The following SLC35F3 variants were observed in gnomAD, a reference collection of about 807,000 sequenced individuals.
The protein encoded by SLC35F3 is solute carrier family 35 member F3, also known as putative thiamine transporter SLC35F3.
Under a neutral mutation model 49.9 loss-of-function variants are expected in SLC35F3, and 25 were observed. The ratio of observed to expected loss-of-function variants is 0.50; its 90% CI spans 0.37 to 0.70. SLC35F3 has a LOEUF of 0.70. SLC35F3 is among the 30% of genes least tolerant of loss of function. The probability of loss-of-function intolerance (pLI) is 0.00; values close to 1 mark genes in which losing one functional copy is unlikely to be tolerated. For missense variants in SLC35F3, 525 were observed against 639.8 expected, an observed-to-expected ratio of 0.82 and a Z score of 1.94; for synonymous variants, 275 against 265.4, an observed-to-expected ratio of 1.04 and a Z score of -0.35.
At chr1:234,059,600 GAGACATAGACATAGACTAGACATAGACAT>G (rs1664508110) in intron 2 of SLC35F3, among the ~76,000 whole-genome samples, 1 of 148,730 alleles carries the variant, frequency 6.7e-6, no homozygotes, top group Admixed American at 6.8e-5. Flanking sequence ...GCTAGAGCTA[GAGACATAGACATAGACTAGACATAGACAT>G]AGACATAGAC....
At chr1:233,975,924 C>T (rs1427616465) in intron 2 of SLC35F3, among the ~76,000 whole-genome samples, 1 of 152,088 alleles carries the variant, frequency 6.6e-6, no homozygotes, top group East Asian at 1.9e-4. Flanking sequence ...GGTGTACACA[C>T]GTATGGTGTG....
Position 233,905,043 on chromosome 1 carries a change from G to T in SLC35F3, c.-35G>T. On this transcript the variant is annotated 5_prime_UTR_variant, in exon 1 of 8. Coordinates refer to ENST00000366618, the MANE Select transcript of SLC35F3 (RefSeq NM_173508.4). The stretch of plus-strand genomic sequence containing the variant: ...CCGGCCCGCGGCCCCTCCGCCTCAA[G>T]TCTGGGAGCTGCCGGTCCCACTCTG... 4.5e-6 allele frequency: 7 copies of T among 1,549,942 alleles called. No homozygotes were observed. The highest frequency in any genetic ancestry group is 6.1e-6 in the Non-Finnish European group (7 of 1,146,304).
intron 2 of SLC35F3, among the ~76,000 whole-genome samples, chr1:233,948,599 A>G (rs991667461): frequency 4.7e-5 from 7 of 150,532 alleles, no homozygotes; most frequent in Non-Finnish European, 1.0e-4. Flanking sequence ...TTTAGGGTAC[A>G]TGTGCACATT....
intron 2 of SLC35F3, among the ~76,000 whole-genome samples, chr1:233,988,220 G>T (rs1663296519): frequency 6.6e-6 from 1 of 152,148 alleles, no homozygotes; most frequent in African/African-American, 2.4e-5. Context: ...CAAAATATTA[G>T]TAACTGGAAA....
rs142818043 is a variant in SLC35F3 at position 234,150,198 on chromosome 1, A to G, written c.284-81219A>G. 5.2e-3 allele frequency among the ~76,000 whole-genome samples: 793 copies of G among 152,366 alleles called. 10 individuals are homozygous for G. The highest frequency in any genetic ancestry group is 0.018 in the African/African-American group (756 of 41,574). ...CCGCATTTAAATTGTGCTCAAATGG[A>G]AGCGGTAATTCTCTACACTTGCTGA... On this transcript the variant is annotated intron_variant, in intron 2 of 7. Coordinates refer to ENST00000366618, the MANE Select transcript of SLC35F3 (RefSeq NM_173508.4).
intron 2 of SLC35F3, among the ~76,000 whole-genome samples, chr1:234,019,545 C>T (rs928132672): frequency 2.6e-5 from 4 of 152,090 alleles, no homozygotes; most frequent in African/African-American, 9.7e-5. Flanking sequence ...TTGGGGACCT[C>T]AGGGGTTTTT....
intron 3 of SLC35F3, among the ~76,000 whole-genome samples, chr1:234,275,239 A>G (rs958146171): frequency 1.3e-5 from 2 of 152,222 alleles, no homozygotes; most frequent in Non-Finnish European, 1.5e-5. Flanking sequence ...CTATGTGTAC[A>G]AAGTGTATCA....
At chr1:234,312,517 G>A (rs1269218679) in intron 4 of SLC35F3, among the ~76,000 whole-genome samples, 1 of 152,068 alleles carries the variant, frequency 6.6e-6, no homozygotes, top group African/African-American at 2.4e-5. Flanking sequence ...CCTGCTGTGT[G>A]GGGGGCTGCC....
chr1:234,012,644 A>G (rs138163815), intron 2 of SLC35F3, among the ~76,000 whole-genome samples: 1 of 152,228 alleles, frequency 6.6e-6, no homozygotes, highest in Non-Finnish European at 1.5e-5. Flanking sequence ...CCTTGATTTC[A>G]TACAACACAT....
In SLC35F3 at chr1:234,320,222, G is replaced by A; in HGVS notation, c.1237+35G>A. On this transcript the variant is annotated intron_variant, in intron 7 of 7. Transcript: ENST00000366618. This position sits in a 1 kb window ranked among gnomAD's most constrained non-coding sequence, Gnocchi z 4.8. ...TGCGGCTTTCTATATCTGCACATAA[G>A]CACACACACTCAGTCACCTACTCAC... 1 of 1,472,938 alleles carries A rather than the reference G, an allele frequency of 6.8e-7. No individual in the cohort carries two copies. Among genetic ancestry groups the A allele is most frequent in the South Asian group, 1.1e-5 (1 of 88,262 alleles). The allele number at this position is 1,472,938 out of a possible 1,614,324, so 91.2% of individuals were successfully genotyped here.
chr1:234,270,674 T>C (rs1668083835), intron 3 of SLC35F3, among the ~76,000 whole-genome samples: 1 of 152,228 alleles, frequency 6.6e-6, no homozygotes, highest in Admixed American at 6.5e-5. Context: ...CCCTGCTAAC[T>C]GTGATGGATG....
chr1:233,921,560 C>G (rs186571751), intron 2 of SLC35F3, among the ~76,000 whole-genome samples: 125 of 152,334 alleles, frequency 8.2e-4, no homozygotes, highest in African/African-American at 2.9e-3. Flanking sequence ...CCTCCCTCCC[C>G]TCAAACCCTC....
chr1:234,189,260 A>G (rs1426640761), intron 2 of SLC35F3, among the ~76,000 whole-genome samples: 3 of 152,110 alleles, frequency 2.0e-5, no homozygotes, highest in Non-Finnish European at 4.4e-5. Flanking sequence ...TTGATTATTA[A>G]GCTAATCAAG....
Position 234,231,473 on chromosome 1 carries a change from G to A in SLC35F3, c.340G>A (p.Val114Met), listed in dbSNP as rs371310289. The stretch of plus-strand genomic sequence containing the variant: ...GGCGGAGGCCCAGGCACCGGCCGGG[G>A]TGGAGGCCGGCGGGAGAGCGAGTCG... ...GPAEAQAPAG[V>M]EAGGRASRRC... is the part of the protein sequence containing the mutation. Residue 114 changes from valine to methionine, a missense_variant, in exon 3 of 8, where the codon GTG becomes ATG. Val to Met is a conservative substitution (Grantham distance 21, BLOSUM62 1). Transcript: ENST00000366618. The surrounding 1 kb of genome is among the most constrained non-coding windows in gnomAD (Gnocchi z 5.4). 9.9e-6 allele frequency: 16 copies of A among 1,611,658 alleles called. No homozygotes were observed. Among genetic ancestry groups the A allele is most frequent in the Admixed American group, 8.3e-5 (5 of 59,896 alleles).
At chr1:234,252,232 G>T (rs990328126) in intron 3 of SLC35F3, among the ~76,000 whole-genome samples, 1 of 152,012 alleles carries the variant, frequency 6.6e-6, no homozygotes, top group Non-Finnish European at 1.5e-5. Flanking sequence ...ACTACGCCTG[G>T]CTAATTTTTG....
chr1:234,164,437 C>T (rs1217314647), intron 2 of SLC35F3, among the ~76,000 whole-genome samples: 1 of 151,008 alleles, frequency 6.6e-6, no homozygotes, highest in African/African-American at 2.4e-5. Context: ...TCCCTCTCTT[C>T]CTCTCTCCTC....
chr1:233,967,547 T>C (rs1031445299), intron 2 of SLC35F3, among the ~76,000 whole-genome samples: 2 of 152,220 alleles, frequency 1.3e-5, no homozygotes, highest in African/African-American at 4.8e-5. Context: ...CTATTTAACA[T>C]GGTAACCATG....
chr1:233,971,141 G>A (rs1329743306), intron 2 of SLC35F3, among the ~76,000 whole-genome samples: 1 of 152,164 alleles, frequency 6.6e-6, no homozygotes, highest in African/African-American at 2.4e-5. Flanking sequence ...GAATGGCATT[G>A]ATATACATCT....
At chr1:234,080,969 T>C (rs1453248937) in intron 2 of SLC35F3, among the ~76,000 whole-genome samples, 3 of 152,246 alleles carry the variant, frequency 2.0e-5, no homozygotes, top group Non-Finnish European at 4.4e-5. Context: ...TAATATTTAA[T>C]TCTTTTTCTT....
Sources: allele counts gnomAD v4.1 joint callset (sites outside exome capture counted in the v4.1 genomes callset), GRCh38; gene constraint gnomAD v4.1.1; non-coding constraint Gnocchi (gnomAD v3.1); transcripts MANE v1.5; gene names NCBI Gene and HGNC (gene_info 2026-07-23, HGNC 2026-07-21).